Variants in CPEB2 observed in about 807,000 individuals in gnomAD.
CPEB2 encodes the protein cytoplasmic polyadenylation element binding protein 2.
In CPEB2, 56 loss-of-function variants were observed where a neutral mutation model predicts 93.6. The ratio of observed to expected loss-of-function variants is 0.60; its 90% CI spans 0.48 to 0.75. The LOEUF (loss-of-function observed/expected upper bound fraction) is 0.75, where lower values mean the gene tolerates loss of function less well. Among genes scored for constraint, CPEB2 ranks in the 30% least tolerant of loss-of-function variants. The pLI is 0.00. For synonymous variants in CPEB2, 764 were observed against 586.3 expected (o/e 1.30, Z -4.38); for missense variants, 1,579 against 1,395.1 (o/e 1.13, Z -2.10).
At chr4:15,052,796 A>T (rs1346366358) in intron 7 of CPEB2, among the ~76,000 whole-genome samples, 1 of 152,102 alleles carries the variant, frequency 6.6e-6, no homozygotes, top group African/African-American at 2.4e-5. Context: ...AGATCTTATC[A>T]TATTTGTAAC....
At chr4:15,007,228 T>G in intron 1 of CPEB2, 77 bp from the exon 2 acceptor site, 1 of 1,236,532 alleles carries the variant, frequency 8.1e-7, no homozygotes, top group Non-Finnish European at 1.1e-6. Flanking sequence ...TATAAATTCT[T>G]AGGTCTGAAA....
Position 15,067,622 on chromosome 4 carries a change from G to C in CPEB2, c.*1242G>C, listed in dbSNP as rs1729793174. 1 of 152,346 alleles carries C rather than the reference G, an allele frequency of 6.6e-6. No individual in the cohort carries two copies. The highest frequency in any genetic ancestry group is 1.5e-5 in the Non-Finnish European group (1 of 67,934). 9.4% of individuals were successfully genotyped at this position (152,346 alleles called of 1,614,324 possible). ...ATAAGAAACCCATATTTAAAAATCT[G>C]AATTTTTTAGAAGAATGCAAAACTT... On this transcript the variant is annotated 3_prime_UTR_variant, in exon 12 of 12. Transcript: ENST00000538197.
At chr4:15,049,254 C>CT (rs560570698) in intron 6 of CPEB2, among the ~76,000 whole-genome samples, 3 of 146,030 alleles carry the variant, frequency 2.1e-5, no homozygotes, top group Admixed American at 6.8e-5. Flanking sequence ...TCACCGCATT[C>CT]TTTTTTTTTT....
At position 15,067,514 on chromosome 4, in the gene CPEB2, C is replaced by T. The variant is rs1729787890; in HGVS notation, c.*1134C>T. ...ATTCTAAAGAAAGTTGGTTTTAGCCCCTTTGATAGTCCATGGTTAAGACAT... is the reference window on the plus strand; with the variant it reads ...ATTCTAAAGAAAGTTGGTTTTAGCCTCTTTGATAGTCCATGGTTAAGACAT... On this transcript the variant is annotated 3_prime_UTR_variant, in exon 12 of 12. Coordinates refer to ENST00000538197, the MANE Select transcript of CPEB2 (RefSeq NM_001177382.2). 1 of 152,270 alleles carries T rather than the reference C, an allele frequency of 6.6e-6. No homozygotes were observed. The highest frequency in any genetic ancestry group is 6.6e-5 in the Admixed American group (1 of 15,204). The allele number at this position is 152,270 out of a possible 1,614,324, so 9.4% of individuals were successfully genotyped here.
chr4:15,037,835 T>C (rs1726778424), intron 5 of CPEB2, among the ~76,000 whole-genome samples: 1 of 152,218 alleles, frequency 6.6e-6, no homozygotes, highest in African/African-American at 2.4e-5. Flanking sequence ...TAAATGAGTT[T>C]GAAGGACATA....
At chr4:15,058,148 A>C (rs951520424) in intron 8 of CPEB2, among the ~76,000 whole-genome samples, 1 of 152,220 alleles carries the variant, frequency 6.6e-6, no homozygotes, top group Non-Finnish European at 1.5e-5. Context: ...ATAATATTTC[A>C]TAGACTTTTG....
Position 15,062,206 on chromosome 4 carries a change from T to A in CPEB2, c.2823T>A (p.Ile941=). ...CTTTCTCCAATCAGCAGAGCTATAT[T>A]GCTGCCATTAGTGCTCGGTTTGTTC... ...RVAFSNQQSY[I]AAISARFVQL... is the part of the protein sequence containing the mutation. Residue 941 remains isoleucine (I), a synonymous_variant, in exon 11 of 12, where the codon ATT becomes ATA. Transcript: ENST00000538197. 6.2e-7 allele frequency: 1 copy of A among 1,612,824 alleles called. No homozygotes were observed. Among genetic ancestry groups the A allele is most frequent in the Non-Finnish European group, 8.5e-7 (1 of 1,179,158 alleles).
intron 11 of CPEB2, 63 bp downstream of exon 11, chr4:15,062,323 C>G: frequency 8.6e-7 from 1 of 1,163,588 alleles, no homozygotes; most frequent in Non-Finnish European, 1.2e-6. Flanking sequence ...AAGCCTCATA[C>G]CCTAACGAGT....
chr4:15,019,423 G>T (rs1430093733), intron 4 of CPEB2, among the ~76,000 whole-genome samples: 3 of 150,946 alleles, frequency 2.0e-5, no homozygotes, highest in Non-Finnish European at 3.0e-5. Context: ...TTTTCTTTGG[G>T]CTAGACCTCA....
rs1334278658 is a variant in CPEB2, at chr4:15,069,547, T to A, written c.*3167T>A. The A allele has an allele frequency of 6.6e-6, 1 of 152,280 alleles. No individual in the cohort carries two copies. Among genetic ancestry groups the A allele is most frequent in the Non-Finnish European group, 1.5e-5 (1 of 67,858 alleles). 9.4% of individuals were successfully genotyped at this position (152,280 alleles called of 1,614,324 possible). Reference sequence around the variant, plus strand: ...GTGTTTTGCTAACAAAAGGAGAGACTTTTTTCATGCATATTTCTATTTTGT... The same window carrying A: ...GTGTTTTGCTAACAAAAGGAGAGACATTTTTCATGCATATTTCTATTTTGT... On this transcript the variant is annotated 3_prime_UTR_variant, in exon 12 of 12. Coordinates refer to ENST00000538197, the MANE Select transcript of CPEB2 (RefSeq NM_001177382.2).
chr4:15,046,288 C>T (rs1052102626), intron 6 of CPEB2, among the ~76,000 whole-genome samples: 9 of 152,200 alleles, frequency 5.9e-5, no homozygotes, highest in Admixed American at 1.3e-4. Flanking sequence ...TGCAATGGCC[C>T]GATCTCGGCT....
At position 15,002,895 on chromosome 4, in the gene CPEB2, C is replaced by T. The variant is rs1306857376; in HGVS notation, c.222C>T (p.Gly74=). ...PFSVPLGGGA[G]SPAAAASSSS... ...CCGTCCCCCTCGGCGGCGGCGCGGGCAGCCCGGCCGCCGCCGCTTCCTCTT... is the reference window on the plus strand; with the variant it reads ...CCGTCCCCCTCGGCGGCGGCGCGGGTAGCCCGGCCGCCGCCGCTTCCTCTT... The change falls in exon 1 of 12, where the codon GGC becomes GGT. Residue 74 remains glycine (G), a synonymous_variant. Transcript: ENST00000538197. 2 of 1,513,784 alleles carry T rather than the reference C, an allele frequency of 1.3e-6. No homozygotes were observed. Among genetic ancestry groups the T allele is most frequent in the Non-Finnish European group, 1.8e-6 (2 of 1,141,224 alleles). The allele number at this position is 1,513,784 out of a possible 1,614,324, so 93.8% of individuals were successfully genotyped here.
At position 15,003,334 on chromosome 4, in the gene CPEB2, C is replaced by T; in HGVS notation, c.661C>T (p.Pro221Ser). ...PPPPAGPLLQ[P>S]AQLAQRQQQQ... ...GCCGCCAGCCGGCCCGCTCCTCCAGCCGGCGCAGCTCGCTCAGCGCCAGCA... is the reference window on the plus strand; with the variant it reads ...GCCGCCAGCCGGCCCGCTCCTCCAGTCGGCGCAGCTCGCTCAGCGCCAGCA... The change falls in exon 1 of 12, where the codon CCG (proline) becomes TCG (serine). Residue 221 changes from proline (P) to serine (S), a missense_variant. By Grantham distance (74) the Pro-to-Ser change is moderately conservative. Around this residue, in one of 2 missense-constraint regions of CPEB2, gnomAD observed 1,411 missense variants for 1,056.0 expected, o/e 1.34. Coordinates refer to ENST00000538197, the MANE Select transcript of CPEB2 (RefSeq NM_001177382.2). 7.1e-7 allele frequency: 1 copy of T among 1,405,638 alleles called. No individual in the cohort carries two copies. The highest frequency in any genetic ancestry group is 9.1e-7 in the Non-Finnish European group (1 of 1,093,586). The allele number at this position is 1,405,638 out of a possible 1,614,324, so 87.1% of individuals were successfully genotyped here.
intron 3 of CPEB2, among the ~76,000 whole-genome samples, chr4:15,013,694 A>G (rs1723770661): frequency 6.6e-6 from 1 of 152,100 alleles, no homozygotes; most frequent in South Asian, 2.1e-4. Context: ...AGGTTTCATT[A>G]AATTCAAAAA....
chr4:15,044,047 A>AT (rs1727438062), intron 6 of CPEB2, among the ~76,000 whole-genome samples: 1 of 152,210 alleles, frequency 6.6e-6, no homozygotes, highest in African/African-American at 2.4e-5. Flanking sequence ...ACTGCCAGAT[A>AT]TTTTTATGAT....
intron 5 of CPEB2, among the ~76,000 whole-genome samples, chr4:15,034,987 T>G: frequency 6.6e-6 from 1 of 152,164 alleles, no homozygotes; most frequent in East Asian, 1.9e-4. Context: ...ATATTAGTGC[T>G]CCTGTACTAA....
chr4:15,047,299 A>G (rs1727805047), intron 6 of CPEB2, among the ~76,000 whole-genome samples: 1 of 152,174 alleles, frequency 6.6e-6, no homozygotes, highest in Admixed American at 6.5e-5. Flanking sequence ...CTGGCTTGTG[A>G]ATTTCTAGAA....
chr4:15,055,667 C>A (rs972770264), intron 8 of CPEB2, among the ~76,000 whole-genome samples: 3 of 152,136 alleles, frequency 2.0e-5, no homozygotes, highest in African/African-American at 7.2e-5. Context: ...TACTTACCTG[C>A]ATAAACCCTT....
chr4:15,030,404 A>G (rs1174829109), intron 4 of CPEB2, among the ~76,000 whole-genome samples: 2 of 152,044 alleles, frequency 1.3e-5, no homozygotes, highest in South Asian at 4.1e-4. Flanking sequence ...TTTGTGATAT[A>G]GTGTTGTCAT....
Sources: allele counts gnomAD v4.1 joint callset (sites outside exome capture counted in the v4.1 genomes callset), GRCh38; gene constraint gnomAD v4.1.1; regional missense constraint gnomAD v4.1.1; transcripts MANE v1.5; gene names NCBI Gene and HGNC (gene_info 2026-07-23, HGNC 2026-07-21).